ANKRD46: variants seen among roughly 807,000 people sequenced by gnomAD.
ANKRD46 encodes ankyrin repeat domain 46.
A neutral mutation model predicts 19.8 loss-of-function variants in ANKRD46; 13 were observed. The ratio of observed to expected loss-of-function variants is 0.66; its 90% CI spans 0.43 to 1.04. The LOEUF (loss-of-function observed/expected upper bound fraction) is 1.04, where lower values mean the gene tolerates loss of function less well. Among genes scored for constraint, ANKRD46 ranks in the 50% least tolerant of loss-of-function variants. ANKRD46 has a pLI of 0.00. For missense variants in ANKRD46, 185 were observed against 274.8 expected, an observed-to-expected ratio of 0.67 and a Z score of 2.31; for synonymous variants, 91 against 106.9, an observed-to-expected ratio of 0.85 and a Z score of 0.92.
rs1319888764 is a variant in ANKRD46, at chr8:100,543,178, T to C, written c.-130-9867A>G. Among the ~76,000 whole-genome samples, 1 of 152,228 alleles carries C rather than the reference T, an allele frequency of 6.6e-6. No individual in the cohort carries two copies. On this transcript the variant is annotated intron_variant, in intron 1 of 4. Transcript: ENST00000335659. This position sits in a 1 kb window ranked among gnomAD's most constrained non-coding sequence, Gnocchi z 4.2. The stretch of plus-strand genomic sequence containing the variant: ...TGGATCTTAAGTTTTAATAGCTACA[T>C]AGCTCTTCCAGATTTGCTGCTTTCC...
Position 100,544,300 on chromosome 8 carries a change from C to A in ANKRD46, c.-130-10989G>T, listed in dbSNP as rs1395470522. On this transcript the variant is annotated intron_variant, in intron 1 of 4. Coordinates refer to ENST00000335659, the MANE Select transcript of ANKRD46 (RefSeq NM_001270377.2). The surrounding 1 kb of genome is among the most constrained non-coding windows in gnomAD (Gnocchi z 4.4). Reference sequence around the variant, plus strand: ...ACCTTACTCATCCATGGGACCCGGACATAAAGAAGCAAGGACAAAGAACAT... The same window carrying A: ...ACCTTACTCATCCATGGGACCCGGAAATAAAGAAGCAAGGACAAAGAACAT... 6.6e-6 allele frequency among the ~76,000 whole-genome samples: 1 copy of A among 152,084 alleles called. No individual in the cohort carries two copies. The highest frequency in any genetic ancestry group is 1.5e-5 in the Non-Finnish European group (1 of 68,024).
intron 1 of ANKRD46, among the ~76,000 whole-genome samples, chr8:100,538,708 C>G (rs1812115312): frequency 6.6e-6 from 1 of 151,946 alleles, no homozygotes; most frequent in Non-Finnish European, 1.5e-5. Context: ...AGTCTGTGCC[C>G]CTGTGAATGG....
chr8:100,523,009 A>G (rs534816207), intron 4 of ANKRD46, among the ~76,000 whole-genome samples: 1 of 152,206 alleles, frequency 6.6e-6, no homozygotes, highest in East Asian at 1.9e-4. Context: ...TTTAGAATTT[A>G]GTAAACTCAA....
chr8:100,528,092 C>A, intron 3 of ANKRD46, 89 bp from the exon 4 acceptor site: 2 of 1,324,614 alleles, frequency 1.5e-6, no homozygotes, highest in Non-Finnish European at 2.0e-6. Flanking sequence ...TTTTAGTACC[C>A]ACTTATATAG....
chr8:100,543,071 C>G lies in ANKRD46; in HGVS notation c.-130-9760G>C, dbSNP rs901649786. Among the ~76,000 whole-genome samples the G allele has an allele frequency of 6.6e-6, 1 of 152,094 alleles. No homozygotes were observed. Among genetic ancestry groups the G allele is most frequent in the African/African-American group, 2.4e-5 (1 of 41,420 alleles). ...GATGACAAGTTCCTATATCAGTTTC[C>G]CATGGAGCTATTTTTGCAAACTGCC... On this transcript the variant is annotated intron_variant, in intron 1 of 4. Coordinates refer to ENST00000335659, the MANE Select transcript of ANKRD46 (RefSeq NM_001270377.2). This position sits in a 1 kb window ranked among gnomAD's most constrained non-coding sequence, Gnocchi z 4.2.
Position 100,543,502 on chromosome 8 carries a change from G to A in ANKRD46, c.-130-10191C>T, listed in dbSNP as rs1309820228. Among the ~76,000 whole-genome samples, 3 of 152,044 alleles carry A rather than the reference G, an allele frequency of 2.0e-5. No homozygotes were observed. The highest frequency in any genetic ancestry group is 2.4e-5 in the African/African-American group (1 of 41,382). On this transcript the variant is annotated intron_variant, in intron 1 of 4. Transcript: ENST00000335659. This position sits in a 1 kb window ranked among gnomAD's most constrained non-coding sequence, Gnocchi z 4.2. ...AAGTTTGAACAACTGCTAAACTTTC[G>A]TCCTTGTACTCAAGAGAACTACAGT...
chr8:100,549,363 T>C (rs1286461539), intron 1 of ANKRD46, among the ~76,000 whole-genome samples: 1 of 152,032 alleles, frequency 6.6e-6, no homozygotes, highest in Non-Finnish European at 1.5e-5. Flanking sequence ...AAAATACAAG[T>C]GTTAAGCATA....
Position 100,522,676 on chromosome 8 carries a change from T to C in ANKRD46, c.566A>G (p.Asp189Gly). Residue 189 changes from aspartate (D) to glycine (G), a missense_variant, in exon 5 of 5, where the codon GAT becomes GGT. By Grantham distance (94) the Asp-to-Gly change is moderately conservative. Coordinates refer to ENST00000335659, the MANE Select transcript of ANKRD46 (RefSeq NM_001270377.2). The part of the protein sequence containing the change: ...FRTTWQEFVE[D>G]LGFWRVLLLI... ...CAGCAATACTCTCCAGAAGCCCAGATCCTCCACAAACTCCTGCCACGTGGT... is the reference window on the plus strand; with the variant it reads ...CAGCAATACTCTCCAGAAGCCCAGACCCTCCACAAACTCCTGCCACGTGGT... 6.2e-7 allele frequency: 1 copy of C among 1,613,962 alleles called. No individual in the cohort carries two copies. Among genetic ancestry groups the C allele is most frequent in the East Asian group, 2.2e-5 (1 of 44,872 alleles).
chr8:100,526,752 T>C (rs895893210), intron 4 of ANKRD46, among the ~76,000 whole-genome samples: 4 of 151,786 alleles, frequency 2.6e-5, no homozygotes, highest in African/African-American at 7.3e-5. Context: ...AAAGCAAAAA[T>C]GGGTACAAAG....
At position 100,548,361 on chromosome 8, in the gene ANKRD46, T is replaced by C. The variant is rs546330389; in HGVS notation, c.-131+11350A>G. On this transcript the variant is annotated intron_variant, in intron 1 of 4. Transcript: ENST00000335659. ...TCCTGCCTCAGAGGTGCACTTACTT[T>C]TCTTCCTGCTGGAATGTACTTCCCT... is the stretch of plus-strand genomic sequence containing the variant. 3.3e-5 allele frequency among the ~76,000 whole-genome samples: 5 copies of C among 152,306 alleles called. No homozygotes were observed. In the East Asian group the frequency reaches 9.6e-4, roughly 29 times the overall value.
chr8:100,529,953 G>T lies in ANKRD46; in HGVS notation c.-27-93C>A. 1 of 878,190 alleles carries T rather than the reference G, an allele frequency of 1.1e-6. No homozygotes were observed. The highest frequency in any genetic ancestry group is 1.7e-6 in the Non-Finnish European group (1 of 592,352). 54.4% of individuals were successfully genotyped at this position (878,190 alleles called of 1,614,324 possible). On this transcript the variant is annotated intron_variant, in intron 2 of 4. Coordinates refer to ENST00000335659, the MANE Select transcript of ANKRD46 (RefSeq NM_001270377.2). This position sits in a 1 kb window ranked among gnomAD's most constrained non-coding sequence, Gnocchi z 5.8. ...AAAGCAATATTTCTCATCCTTTTTG[G>T]CCTCCTGCCTCTAATAAATAAATGA...
rs1027575231 is a variant in ANKRD46 at position 100,534,887 on chromosome 8, C to A, written c.-130-1576G>T. The stretch of plus-strand genomic sequence containing the variant: ...GTTCAAGCAATTATCCTGCCTCAGC[C>A]TCCCCAGTAGCTGGGACTACAGCCA... On this transcript the variant is annotated intron_variant, in intron 1 of 4. Coordinates refer to ENST00000335659, the MANE Select transcript of ANKRD46 (RefSeq NM_001270377.2). The surrounding 1 kb of genome is among the most constrained non-coding windows in gnomAD (Gnocchi z 4.2). Among the ~76,000 whole-genome samples the A allele has an allele frequency of 1.3e-5, 2 of 152,200 alleles. No individual in the cohort carries two copies. The highest frequency in any genetic ancestry group is 4.8e-5 in the African/African-American group (2 of 41,454).
In ANKRD46 at chr8:100,545,383, C is replaced by T. The variant is rs1812252858; in HGVS notation, c.-130-12072G>A. Among the ~76,000 whole-genome samples, 1 of 152,018 alleles carries T rather than the reference C, an allele frequency of 6.6e-6. No individual in the cohort carries two copies. Among genetic ancestry groups the T allele is most frequent in the African/African-American group, 2.4e-5 (1 of 41,382 alleles). ...GTTCTCATGATAGTGAGGGAGGGCT[C>T]ATAAATAAGATCAGACGGTTTTAAA... On this transcript the variant is annotated intron_variant, in intron 1 of 4. Coordinates refer to ENST00000335659, the MANE Select transcript of ANKRD46 (RefSeq NM_001270377.2). The surrounding 1 kb of genome is among the most constrained non-coding windows in gnomAD (Gnocchi z 4.7).
intron 1 of ANKRD46, among the ~76,000 whole-genome samples, chr8:100,539,006 G>A (rs886520054): frequency 6.6e-6 from 1 of 152,218 alleles, no homozygotes; most frequent in Admixed American, 6.5e-5. Flanking sequence ...TAACCAAAAT[G>A]TAAAAAGAAT....
At chr8:100,551,666 T>G in intron 1 of ANKRD46, 1 of 664,806 alleles carries the variant, frequency 1.5e-6, no homozygotes, top group Non-Finnish European at 2.8e-6. Flanking sequence ...GGTGACCAGG[T>G]GCCCAATATG....
chr8:100,547,972 A>AT (rs1812307162), intron 1 of ANKRD46, among the ~76,000 whole-genome samples: 3 of 152,130 alleles, frequency 2.0e-5, no homozygotes, highest in Admixed American at 6.6e-5. Flanking sequence ...TATCATGTAC[A>AT]TTTTTTCATC....
Position 100,524,582 on chromosome 8 carries a change from A to C in ANKRD46, c.471-1811T>G, listed in dbSNP as rs2555205. ...TTTCAGTGGGAATCTACAACACCAC[A>C]GTAATTTTGGAACACTTGACAGCAA... is the stretch of plus-strand genomic sequence containing the variant. On this transcript the variant is annotated intron_variant, in intron 4 of 4. Transcript: ENST00000335659. This position sits in a 1 kb window ranked among gnomAD's most constrained non-coding sequence, Gnocchi z 4.3. 2.0e-5 allele frequency among the ~76,000 whole-genome samples: 3 copies of C among 151,772 alleles called. No homozygotes were observed. The highest frequency in any genetic ancestry group is 7.3e-5 in the African/African-American group (3 of 41,278).
In ANKRD46 at chr8:100,521,924, T is replaced by G. The variant is rs1301308304; in HGVS notation, c.*631A>C. 3 of 982,258 alleles carry G rather than the reference T, an allele frequency of 3.1e-6. No homozygotes were observed. In the African/African-American group the frequency reaches 5.3e-5, roughly 17 times the overall value. The allele number at this position is 982,258 out of a possible 1,614,324, so 60.8% of individuals were successfully genotyped here. On this transcript the variant is annotated 3_prime_UTR_variant, in exon 5 of 5. Coordinates refer to ENST00000335659, the MANE Select transcript of ANKRD46 (RefSeq NM_001270377.2). The stretch of plus-strand genomic sequence containing the variant: ...TTTACAAAAAGATCAAAAATTATCC[T>G]AAAAACAAATAAATATAAGATCAAA...
intron 1 of ANKRD46, among the ~76,000 whole-genome samples, chr8:100,553,699 A>T (rs1812439843): frequency 6.6e-6 from 1 of 152,228 alleles, no homozygotes; most frequent in Admixed American, 6.5e-5. Flanking sequence ...CAGTGAGCTG[A>T]GGTTGCACCA....
Sources: gnomAD v4.1 joint callset for allele counts (sites outside exome capture counted in the v4.1 genomes callset) on GRCh38, gnomAD v4.1.1 for gene constraint, Gnocchi (gnomAD v3.1) non-coding constraint, MANE v1.5 for transcripts, NCBI Gene and HGNC (gene_info 2026-07-23, HGNC 2026-07-21) for gene names.